The following TIGD1 variants were observed in gnomAD, a reference collection of about 807,000 sequenced individuals.
TIGD1 encodes tigger transposable element derived 1.
In TIGD1, 20 loss-of-function variants were observed where a neutral mutation model predicts 21.3. That is an observed-to-expected ratio of 0.94 (90% confidence interval 0.66 to 1.36). The LOEUF is 1.36. Among genes scored for constraint, TIGD1 ranks in the 40% most tolerant of loss-of-function variants. TIGD1 has a pLI of 0.00. For missense variants in TIGD1, 556 were observed against 350.5 expected (o/e 1.59, Z -4.68); for synonymous variants, 177 against 123.2 (o/e 1.44, Z -2.89).
rs1692139597 is a variant in TIGD1, at chr2:232,546,642, T to C, written c.*1465A>G. Reference sequence around the variant, plus strand: ...ATAAGCCACTGTACCTGGCCTCCTTTTTAATTAAGAGCTCCTCACAGCAGT... The same window carrying C: ...ATAAGCCACTGTACCTGGCCTCCTTCTTAATTAAGAGCTCCTCACAGCAGT... On this transcript the variant is annotated 3_prime_UTR_variant, in exon 1 of 1. Coordinates refer to ENST00000408957, the MANE Select transcript of TIGD1 (RefSeq NM_145702.4). Among the ~76,000 whole-genome samples, 1 of 152,148 alleles carries C rather than the reference T, an allele frequency of 6.6e-6. No individual in the cohort carries two copies. The highest frequency in any genetic ancestry group is 2.1e-4 in the South Asian group (1 of 4,826).
Position 232,544,405 on chromosome 2 carries a change from C to A in TIGD1, c.*3702G>T. On this transcript the variant is annotated 3_prime_UTR_variant, in exon 1 of 1. Transcript: ENST00000408957. Reference sequence around the variant, plus strand: ...TCTTGCCCCAGCTGCTGAGGATGCACGTTCGCCCGCTGGCCCCGGCAGCTG... The same window carrying A: ...TCTTGCCCCAGCTGCTGAGGATGCAAGTTCGCCCGCTGGCCCCGGCAGCTG... The A allele has an allele frequency of 6.2e-7, 1 of 1,613,536 alleles. No individual in the cohort carries two copies. The highest frequency in any genetic ancestry group is 1.1e-5 in the South Asian group (1 of 91,088).
chr2:232,547,938 C>T lies in TIGD1; in HGVS notation c.*169G>A, dbSNP rs950151199. The T allele has an allele frequency of 2.0e-5, 9 of 453,004 alleles. No individual in the cohort carries two copies. The highest frequency in any genetic ancestry group is 6.1e-5 in the African/African-American group (3 of 49,134). The allele number at this position is 453,004 out of a possible 1,614,324, so 28.1% of individuals were successfully genotyped here. A position where few individuals can be genotyped will look rare whatever the true frequency, so the allele number is the denominator to read the frequency against. ...CCTCAAAGACATTGCAGGTTCAGTT[C>T]CAGACCAACACAAGAAAGCAAGTCA... On this transcript the variant is annotated 3_prime_UTR_variant, in exon 1 of 1. Transcript: ENST00000408957.
In TIGD1 at chr2:232,549,857, C is replaced by G. The variant is rs941939812; in HGVS notation, c.26G>C (p.Arg9Thr). MASKCSSE[R>T]KSRTSLTLNQ... ...TAAAGTGAGAGATGTGCGACTCTTC[C>G]TTTCACTTGAGCACTTAGAGGCCAT... Residue 9 changes from arginine to threonine, a missense_variant, in exon 1 of 1, where the codon AGG becomes ACG. Physicochemically the swap from Arg to Thr is moderately conservative, Grantham distance 71. Coordinates refer to ENST00000408957, the MANE Select transcript of TIGD1 (RefSeq NM_145702.4). The G allele has an allele frequency of 1.4e-5, 21 of 1,519,614 alleles. No homozygotes were observed. Among genetic ancestry groups the G allele is most frequent in the Non-Finnish European group, 1.9e-5 (21 of 1,129,110 alleles). The allele number at this position is 1,519,614 out of a possible 1,614,324, so 94.1% of individuals were successfully genotyped here. A position where few individuals can be genotyped will look rare whatever the true frequency, so the allele number is the denominator to read the frequency against.
At position 232,545,356 on chromosome 2, in the gene TIGD1, C is replaced by T. The variant is rs1341233376; in HGVS notation, c.*2751G>A. Among the ~76,000 whole-genome samples the T allele has an allele frequency of 2.1e-5, 3 of 141,088 alleles. No homozygotes were observed. Among genetic ancestry groups the T allele is most frequent in the Non-Finnish European group, 3.2e-5 (2 of 63,130 alleles). The allele number at this position is 141,088 out of a possible 152,430, so 92.6% of individuals were successfully genotyped here. On this transcript the variant is annotated 3_prime_UTR_variant, in exon 1 of 1. Transcript: ENST00000408957. ...AAGGAAAGAAAGAAAGAAAAAGGAA[C>T]AGGGGCAGGGGGGGCACCTCAGGGC...
rs144948513 is a variant in TIGD1 at position 232,544,561 on chromosome 2, G to C, written c.*3546C>G. 3.7e-6 allele frequency: 6 copies of C among 1,613,136 alleles called. No individual in the cohort carries two copies. Among genetic ancestry groups the C allele is most frequent in the Non-Finnish European group, 5.1e-6 (6 of 1,179,730 alleles). The stretch of plus-strand genomic sequence containing the variant: ...AGTGGCAGCGGCAAGGGCTGGTGGC[G>C]GCAGCGCTGGAGAAGCTAGGTGAGA... On this transcript the variant is annotated 3_prime_UTR_variant, in exon 1 of 1. Coordinates refer to ENST00000408957, the MANE Select transcript of TIGD1 (RefSeq NM_145702.4).
rs958487705 is a variant in TIGD1, at chr2:232,546,985, G to C, written c.*1122C>G. On this transcript the variant is annotated 3_prime_UTR_variant, in exon 1 of 1. Coordinates refer to ENST00000408957, the MANE Select transcript of TIGD1 (RefSeq NM_145702.4). Reference sequence around the variant, plus strand: ...TAGTAAGGCTGGGGTCTTCCTGGGGGAGAGGCAAGGTCCTGCTCTGAGATT... The same window carrying C: ...TAGTAAGGCTGGGGTCTTCCTGGGGCAGAGGCAAGGTCCTGCTCTGAGATT... Among the ~76,000 whole-genome samples the C allele has an allele frequency of 1.3e-5, 2 of 151,928 alleles. No individual in the cohort carries two copies. Among genetic ancestry groups the C allele is most frequent in the Non-Finnish European group, 2.9e-5 (2 of 67,992 alleles).
In TIGD1 at chr2:232,549,075, G is replaced by A. The variant is rs778034996; in HGVS notation, c.808C>T (p.His270Tyr). 131 of 715,170 alleles carry A rather than the reference G, an allele frequency of 1.8e-4. No homozygotes were observed. Among genetic ancestry groups the A allele is most frequent in the Admixed American group, 2.8e-4 (14 of 49,816 alleles). The allele number at this position is 715,170 out of a possible 1,614,324, so 44.3% of individuals were successfully genotyped here. The change falls in exon 1 of 1, where the codon CAT (histidine) becomes TAT (tyrosine). Residue 270 changes from histidine to tyrosine, a missense_variant. By Grantham distance (83) the His-to-Tyr change is moderately conservative. Transcript: ENST00000408957. Reference protein sequence around the residue: ...KWNSKARMTAHLFTAWFTEYF... With the variant: ...KWNSKARMTAYLFTAWFTEYF... ...TCAGTAAACCACGCTGTAAACAGAT[G>A]TGCTGTCATCCGGGCTTTGCTGTTC...
At position 232,544,936 on chromosome 2, in the gene TIGD1, G is replaced by A; in HGVS notation, c.*3171C>T. 6.2e-7 allele frequency: 1 copy of A among 1,613,318 alleles called. No individual in the cohort carries two copies. Among genetic ancestry groups the A allele is most frequent in the Non-Finnish European group, 8.5e-7 (1 of 1,179,788 alleles). On this transcript the variant is annotated 3_prime_UTR_variant, in exon 1 of 1. Coordinates refer to ENST00000408957, the MANE Select transcript of TIGD1 (RefSeq NM_145702.4). ...AGTCAGGGTGGGGTGGAGGTGGAGT[G>A]AGTACCTGGGCTTGGAACCGTGATA...
rs902983938 is a variant in TIGD1 at position 232,549,279 on chromosome 2, T to A, written c.604A>T (p.Ile202Leu). 3.3e-5 allele frequency: 22 copies of A among 667,320 alleles called. No homozygotes were observed. The highest frequency in any genetic ancestry group is 3.9e-4 in the Middle Eastern group (1 of 2,564). The allele number at this position is 667,320 out of a possible 1,614,324, so 41.3% of individuals were successfully genotyped here. A position where few individuals can be genotyped will look rare whatever the true frequency, so the allele number is the denominator to read the frequency against. The change falls in exon 1 of 1, where the codon ATA becomes TTA. Residue 202 changes from isoleucine (I) to leucine (L), a missense_variant. Physicochemically the swap from Ile to Leu is conservative, Grantham distance 5. Coordinates refer to ENST00000408957, the MANE Select transcript of TIGD1 (RefSeq NM_145702.4). The stretch of plus-strand genomic sequence containing the variant: ...GGCACTGACTTCTCCTCTCTAGCTA[T>A]GAAAGTTCTAGATGGCATCTTCTTC... Reference protein sequence around the residue: ...YWKKMPSRTFIAREEKSVPGF... With the variant: ...YWKKMPSRTFLAREEKSVPGF...
chr2:232,544,713 T>C lies in TIGD1; in HGVS notation c.*3394A>G. The C allele has an allele frequency of 2.5e-6, 4 of 1,605,814 alleles. No homozygotes were observed. The highest frequency in any genetic ancestry group is 1.1e-5 in the South Asian group (1 of 90,770). On this transcript the variant is annotated 3_prime_UTR_variant, in exon 1 of 1. Transcript: ENST00000408957. Reference sequence around the variant, plus strand: ...AGCTGGGGTCCCTAAGGAGAGGCCATCTTCTCTGCCTGTTTCTCCTCCATT... The same window carrying C: ...AGCTGGGGTCCCTAAGGAGAGGCCACCTTCTCTGCCTGTTTCTCCTCCATT...
Position 232,545,715 on chromosome 2 carries a change from G to C in TIGD1, c.*2392C>G. 1 of 1,614,118 alleles carries C rather than the reference G, an allele frequency of 6.2e-7. No homozygotes were observed. The highest frequency in any genetic ancestry group is 8.5e-7 in the Non-Finnish European group (1 of 1,180,046). Reference sequence around the variant, plus strand: ...CGCCCCTACCTGCCCTCACCAGACTGAGCCAACCAACCACTGTGGGGCATG... The same window carrying C: ...CGCCCCTACCTGCCCTCACCAGACTCAGCCAACCAACCACTGTGGGGCATG... On this transcript the variant is annotated 3_prime_UTR_variant, in exon 1 of 1. Coordinates refer to ENST00000408957, the MANE Select transcript of TIGD1 (RefSeq NM_145702.4).
At position 232,544,899 on chromosome 2, in the gene TIGD1, C is replaced by A. The variant is rs771486058; in HGVS notation, c.*3208G>T. On this transcript the variant is annotated 3_prime_UTR_variant, in exon 1 of 1. Transcript: ENST00000408957. ...CCCGGCACCAGCAGAGTCACTTTGA[C>A]AATGTAAGCTGAGTCAGGGTGGGGT... 3.7e-6 allele frequency: 6 copies of A among 1,613,918 alleles called. No homozygotes were observed. The Admixed American group carries it at 1.0e-4, about 27-fold the overall frequency.
chr2:232,549,525 T>C lies in TIGD1; in HGVS notation c.358A>G (p.Arg120Gly), dbSNP rs988700174. 5 of 676,744 alleles carry C rather than the reference T, an allele frequency of 7.4e-6. No individual in the cohort carries two copies. The highest frequency in any genetic ancestry group is 1.8e-5 in the African/African-American group (1 of 56,588). 41.9% of individuals were successfully genotyped at this position (676,744 alleles called of 1,614,324 possible). The change falls in exon 1 of 1, where the codon AGA becomes GGA. Residue 120 changes from arginine to glycine, a missense_variant. Coordinates refer to ENST00000408957, the MANE Select transcript of TIGD1 (RefSeq NM_145702.4). ...LTLFNSMKAERGVEAAEEKFE... is the reference protein window; with the variant it reads ...LTLFNSMKAEGGVEAAEEKFE... ...TTTTCTTCTGCAGCTTCCACACCTC[T>C]CTCAGCTTTCATAGAGTTGAAGAGA...
chr2:232,545,303 C>T lies in TIGD1; in HGVS notation c.*2804G>A, dbSNP rs1295313768. On this transcript the variant is annotated 3_prime_UTR_variant, in exon 1 of 1. Transcript: ENST00000408957. ...CTCTGGCCTGGGTGAAAGAGTGAGA[C>T]GTGAGACTCCGTCTCAAAAAAAAAA... Among the ~76,000 whole-genome samples the T allele has an allele frequency of 7.0e-6, 1 of 142,524 alleles. No individual in the cohort carries two copies. Among genetic ancestry groups the T allele is most frequent in the African/African-American group, 2.6e-5 (1 of 38,026 alleles). 93.5% of individuals were successfully genotyped at this position (142,524 alleles called of 152,430 possible).
In TIGD1 at chr2:232,549,598, G is replaced by T. The variant is rs1243354467; in HGVS notation, c.285C>A (p.Ser95Arg). ...VLVVWIEDQT[S>R]RNIPLSQSLI... ...GGCTTTGGCTTAAGGGAATGTTGCG[G>T]CTGGTCTGATCTTCTATCCAGACCA... The change falls in exon 1 of 1, where the codon AGC becomes AGA. Residue 95 changes from serine to arginine, a missense_variant. Coordinates refer to ENST00000408957, the MANE Select transcript of TIGD1 (RefSeq NM_145702.4). 1.5e-6 allele frequency: 1 copy of T among 686,764 alleles called. No individual in the cohort carries two copies. Among genetic ancestry groups the T allele is most frequent in the South Asian group, 1.6e-5 (1 of 61,590 alleles). 42.5% of individuals were successfully genotyped at this position (686,764 alleles called of 1,614,324 possible).
chr2:232,548,426 T>C lies in TIGD1; in HGVS notation c.1457A>G (p.Glu486Gly). ...TPGEDAVNIV[E>G]MTTKDLEYYI... Reference sequence around the variant, plus strand: ...ATATTCTAAATCCTTTGTTGTCATTTCAACAATGTTCACAGCATCTTCACC... The same window carrying C: ...ATATTCTAAATCCTTTGTTGTCATTCCAACAATGTTCACAGCATCTTCACC... The change falls in exon 1 of 1, where the codon GAA (glutamate) becomes GGA (glycine). Residue 486 changes from glutamate to glycine, a missense_variant. By Grantham distance (98) the Glu-to-Gly change is moderately conservative (BLOSUM62 -2). Transcript: ENST00000408957. 2 of 743,152 alleles carry C rather than the reference T, an allele frequency of 2.7e-6. No homozygotes were observed. Among genetic ancestry groups the C allele is most frequent in the Non-Finnish European group, 4.6e-6 (2 of 434,780 alleles). The allele number at this position is 743,152 out of a possible 1,614,324, so 46.0% of individuals were successfully genotyped here.
At position 232,544,804 on chromosome 2, in the gene TIGD1, T is replaced by C. The variant is rs1332179500; in HGVS notation, c.*3303A>G. On this transcript the variant is annotated 3_prime_UTR_variant, in exon 1 of 1. Coordinates refer to ENST00000408957, the MANE Select transcript of TIGD1 (RefSeq NM_145702.4). ...CCCGGAGTTAGGGCTGAGCCAGTTC[T>C]GTGGCAGCCTGAAGCAGGCTGCCCC... The C allele has an allele frequency of 2.5e-6, 4 of 1,613,868 alleles. No homozygotes were observed. The East Asian group carries it at 6.7e-5, about 27-fold the overall frequency.
Position 232,545,872 on chromosome 2 carries a change from A to T in TIGD1, c.*2235T>A, listed in dbSNP as rs1439897923. 3.4e-6 allele frequency: 3 copies of T among 873,806 alleles called. No individual in the cohort carries two copies. In the African/African-American group the frequency reaches 5.0e-5, roughly 14 times the overall value. 54.1% of individuals were successfully genotyped at this position (873,806 alleles called of 1,614,324 possible). A position where few individuals can be genotyped will look rare whatever the true frequency, so the allele number is the denominator to read the frequency against. On this transcript the variant is annotated 3_prime_UTR_variant, in exon 1 of 1. Coordinates refer to ENST00000408957, the MANE Select transcript of TIGD1 (RefSeq NM_145702.4). ...CAGCCCTGAGAAAAGCTGGGGAAAC[A>T]GTCTGAGCTGGAGTCCGAGAGTGGT...
In TIGD1 at chr2:232,546,383, T is replaced by C. The variant is rs1692136495; in HGVS notation, c.*1724A>G. 6.4e-6 allele frequency: 1 copy of C among 155,228 alleles called. No individual in the cohort carries two copies. Among genetic ancestry groups the C allele is most frequent in the African/African-American group, 2.4e-5 (1 of 40,890 alleles). 9.6% of individuals were successfully genotyped at this position (155,228 alleles called of 1,614,324 possible). On this transcript the variant is annotated 3_prime_UTR_variant, in exon 1 of 1. Coordinates refer to ENST00000408957, the MANE Select transcript of TIGD1 (RefSeq NM_145702.4). ...TAGTTTTGAGATAGAGCCTCACTCT[T>C]GTCATGCAAGTTGGAGTGGAGTGGC... is the stretch of plus-strand genomic sequence containing the variant.
Sources: gnomAD v4.1 joint callset for allele counts (sites outside exome capture counted in the v4.1 genomes callset) on GRCh38, gnomAD v4.1.1 for gene constraint, MANE v1.5 for transcripts, NCBI Gene and HGNC (gene_info 2026-07-23, HGNC 2026-07-21) for gene names.